ADH7: variants seen among roughly 807,000 people sequenced by gnomAD.
The protein encoded by ADH7 is all-trans-retinol dehydrogenase [NAD(+)] ADH7.
In ADH7, 41 loss-of-function variants were observed where a neutral mutation model predicts 34.4. The ratio of observed to expected loss-of-function variants is 1.19; its 90% CI spans 0.93 to 1.55. ADH7 has a LOEUF of 1.55. Among genes scored for constraint, ADH7 ranks in the 40% most tolerant of loss-of-function variants. The pLI is 0.00. For synonymous variants in ADH7, 180 were observed against 160.9 expected (o/e 1.12, Z -0.90); for missense variants, 540 against 461.2 (o/e 1.17, Z -1.56).
chr4:99,421,452 A>C (rs1382060987), intron 5 of ADH7, among the ~76,000 whole-genome samples: 1 of 152,236 alleles, frequency 6.6e-6, no homozygotes. Context: ...AGCCATATGC[A>C]GAAAACTCAG....
At chr4:99,430,145 G>A (rs1303804656) in intron 1 of ADH7, 1 of 152,452 alleles carries the variant, frequency 6.6e-6, no homozygotes, top group Non-Finnish European at 1.5e-5. Context: ...AGCATGGTAA[G>A]GATGAAGAGA....
In ADH7 at chr4:99,429,563, G is replaced by C; in HGVS notation, c.89C>G (p.Ala30Gly). 1.2e-6 allele frequency: 2 copies of C among 1,612,106 alleles called. No homozygotes were observed. The highest frequency in any genetic ancestry group is 3.3e-5 in the Admixed American group (2 of 59,802). The change falls in exon 2 of 9, where the codon GCC (alanine) becomes GGC (glycine). Residue 30 changes from alanine to glycine, a missense_variant. Transcript: ENST00000437033. Reference sequence around the variant, plus strand: ...GCGAACTTCTTTAGTCTTTGGTGGGGCAACTTCTATTTCCTCAATGGAGAA... The same window carrying C: ...GCGAACTTCTTTAGTCTTTGGTGGGCCAACTTCTATTTCCTCAATGGAGAA... The part of the protein sequence containing the change: ...QPFSIEEIEV[A>G]PPKTKEVRIK...
chr4:99,418,811 C>T (rs187396173), intron 7 of ADH7, among the ~76,000 whole-genome samples, 175 bp downstream of exon 7: 31 of 152,228 alleles, frequency 2.0e-4, no homozygotes, highest in Admixed American at 3.3e-4. Flanking sequence ...AATATTAGTC[C>T]TACATCAAGG....
intron 1 of ADH7, among the ~76,000 whole-genome samples, chr4:99,434,682 A>G (rs1346411104): frequency 6.6e-6 from 1 of 152,188 alleles, no homozygotes; most frequent in Non-Finnish European, 1.5e-5. Flanking sequence ...TTGATTTTAA[A>G]GAATTTTTAA....
chr4:99,422,079 G>A (rs552018511), intron 5 of ADH7, among the ~76,000 whole-genome samples: 1 of 152,336 alleles, frequency 6.6e-6, no homozygotes, highest in South Asian at 2.1e-4. Context: ...TTCAACCATT[G>A]TGGAAGACAG....
intron 5 of ADH7, among the ~76,000 whole-genome samples, chr4:99,424,559 C>G (rs1290743529): frequency 6.6e-6 from 1 of 152,122 alleles, no homozygotes; most frequent in Non-Finnish European, 1.5e-5. Context: ...TTTCCTTGAG[C>G]AGTGGTTTGT....
chr4:99,419,162 C>T (rs1338074236), intron 6 of ADH7, 41 bp from the exon 7 acceptor site: 13 of 1,597,108 alleles, frequency 8.1e-6, no homozygotes, highest in Admixed American at 3.5e-5. Flanking sequence ...TCCTGTGTCT[C>T]TTACAGTGTG....
At chr4:99,423,536 C>G (rs2110136795) in intron 5 of ADH7, among the ~76,000 whole-genome samples, 1 of 151,710 alleles carries the variant, frequency 6.6e-6, no homozygotes, top group South Asian at 2.1e-4. Flanking sequence ...CTCTCCAGCA[C>G]TTGTTGTTTC....
chr4:99,418,673 T>A (rs1399609506), intron 7 of ADH7, among the ~76,000 whole-genome samples: 1 of 152,176 alleles, frequency 6.6e-6, no homozygotes, highest in Non-Finnish European at 1.5e-5. Context: ...TTGTGTATAT[T>A]AATAATAATG....
At chr4:99,422,640 T>A (rs559040289) in intron 5 of ADH7, among the ~76,000 whole-genome samples, 1 of 152,214 alleles carries the variant, frequency 6.6e-6, no homozygotes, top group Non-Finnish European at 1.5e-5. Context: ...AAATAAAAAA[T>A]CATAACTCTG....
intron 2 of ADH7, among the ~76,000 whole-genome samples, 194 bp from the exon 3 acceptor site, chr4:99,428,824 A>G (rs1721877189): frequency 6.6e-6 from 1 of 152,168 alleles, no homozygotes; most frequent in Non-Finnish European, 1.5e-5. Flanking sequence ...AACTTATAAT[A>G]TTGCTCCCTT....
chr4:99,419,297 C>A (rs576783265), intron 6 of ADH7, among the ~76,000 whole-genome samples, 176 bp from the exon 7 acceptor site: 2 of 152,288 alleles, frequency 1.3e-5, no homozygotes, highest in East Asian at 3.9e-4. Context: ...TTTCTATACA[C>A]ATTTGCCCTT....
chr4:99,413,521 C>T (rs1023315695), intron 8 of ADH7, among the ~76,000 whole-genome samples: 2 of 152,132 alleles, frequency 1.3e-5, no homozygotes, highest in Admixed American at 6.6e-5. Flanking sequence ...GTAGATGAGA[C>T]CTACTTCCCT....
intron 5 of ADH7, among the ~76,000 whole-genome samples, chr4:99,423,803 A>G (rs896787964): frequency 4.6e-5 from 7 of 152,296 alleles, no homozygotes; most frequent in South Asian, 4.1e-4. Context: ...AGTAGGTTGC[A>G]AAAATTTTCC....
At chr4:99,415,811 T>C in intron 7 of ADH7, 195 bp from the exon 8 acceptor site, 2 of 462,148 alleles carry the variant, frequency 4.3e-6, no homozygotes, top group Non-Finnish European at 7.4e-6. Context: ...AATGAGTTCA[T>C]GTCCTTTGCA....
intron 5 of ADH7, among the ~76,000 whole-genome samples, chr4:99,423,962 G>A (rs36166167): frequency 0.24 from 36,501 of 151,470 alleles, 4,503 homozygotes; most frequent in Middle Eastern, 0.27. Context: ...CCATGCCTAT[G>A]TCCTGAATGG....
chr4:99,423,590 T>G (rs1403254450), intron 5 of ADH7, among the ~76,000 whole-genome samples: 1 of 152,204 alleles, frequency 6.6e-6, no homozygotes, highest in African/African-American at 2.4e-5. Flanking sequence ...TGAGATGGTA[T>G]CTCATTGTGG....
intron 1 of ADH7, among the ~76,000 whole-genome samples, chr4:99,432,091 A>T (rs778987312): frequency 6.6e-6 from 1 of 152,242 alleles, no homozygotes; most frequent in Non-Finnish European, 1.5e-5. Flanking sequence ...GCTAGACTAG[A>T]TAAAGAAAAT....
In ADH7 at chr4:99,435,224, C is replaced by A; in HGVS notation, c.10G>T (p.Ala4Ser). The A allele has an allele frequency of 6.2e-7, 1 of 1,613,350 alleles. No individual in the cohort carries two copies. The highest frequency in any genetic ancestry group is 1.1e-5 in the South Asian group (1 of 90,958). The change falls in exon 1 of 9, where the codon GCT becomes TCT. Residue 4 changes from alanine (A) to serine (S), a missense_variant. By Grantham distance (99) the Ala-to-Ser change is moderately conservative. Coordinates refer to ENST00000437033, the MANE Select transcript of ADH7 (RefSeq NM_000673.7). The stretch of plus-strand genomic sequence containing the variant: ...AGAAATGTTCCACTTACTTTTCCAG[C>A]AGTGCCCATCCTGTCTTTGTCTTGG... MGT[A>S]GKVIKCKAAV...
Sources: gnomAD v4.1 joint callset for allele counts (sites outside exome capture counted in the v4.1 genomes callset) on GRCh38, gnomAD v4.1.1 for gene constraint, MANE v1.5 for transcripts, NCBI Gene and HGNC (gene_info 2026-07-23, HGNC 2026-07-21) for gene names.